Variants in EPHB1 observed in about 807,000 individuals in gnomAD.
EPHB1 encodes ephrin type-B receptor 1.
A neutral mutation model predicts 94.4 loss-of-function variants in EPHB1; 30 were observed. That is an observed-to-expected ratio of 0.32 (90% CI 0.24 to 0.43). The LOEUF (loss-of-function observed/expected upper bound fraction) is 0.43, where lower values mean the gene tolerates loss of function less well. EPHB1 is among the 20% of genes least tolerant of loss of function. EPHB1 has a pLI of 1.00. For synonymous variants in EPHB1, 522 were observed against 489.1 expected (o/e 1.07, Z -0.89); for missense variants, 1,055 against 1,308.3 (o/e 0.81, Z 2.99).
chr3:135,197,957 A>T, intron 11 of EPHB1, among the ~76,000 whole-genome samples: 1 of 152,344 alleles, frequency 6.6e-6, no homozygotes, highest in Non-Finnish European at 1.5e-5. Context: ...TTATCTTTAA[A>T]TTTCACCAAG....
chr3:134,964,823 G>GA (rs1437630788), intron 3 of EPHB1, among the ~76,000 whole-genome samples: 2 of 152,138 alleles, frequency 1.3e-5, no homozygotes, highest in Non-Finnish European at 1.5e-5. Context: ...CGAAAAGAGG[G>GA]AAAAGAAACA....
At chr3:135,250,294 T>C (rs552006868) in intron 15 of EPHB1, among the ~76,000 whole-genome samples, 16 of 152,144 alleles carry the variant, frequency 1.1e-4, no homozygotes, top group Non-Finnish European at 2.4e-4. Context: ...TATAGAACTG[T>C]AGTCTGGGAA....
chr3:134,840,854 A>G (rs564332546), intron 1 of EPHB1, among the ~76,000 whole-genome samples: 1 of 152,290 alleles, frequency 6.6e-6, no homozygotes, highest in African/African-American at 2.4e-5. Flanking sequence ...TTTCCTGGGA[A>G]GCTTCCAGCA....
chr3:135,001,039 G>A (rs1391634824), intron 3 of EPHB1, among the ~76,000 whole-genome samples: 3 of 152,148 alleles, frequency 2.0e-5, no homozygotes, highest in Non-Finnish European at 4.4e-5. Flanking sequence ...CTGGCTCGGA[G>A]CAGACACCTT....
chr3:134,875,450 C>A (rs538400510), intron 1 of EPHB1, among the ~76,000 whole-genome samples: 13 of 152,180 alleles, frequency 8.5e-5, no homozygotes, highest in African/African-American at 2.9e-4. Context: ...AAGGCAGGAG[C>A]ACTTATGGAA....
chr3:135,110,480 A>C (rs1939397492), intron 4 of EPHB1, among the ~76,000 whole-genome samples: 1 of 151,986 alleles, frequency 6.6e-6, no homozygotes, highest in South Asian at 2.1e-4. Context: ...AGGGGTTTTG[A>C]GTTTGGCTCC....
intron 1 of EPHB1, among the ~76,000 whole-genome samples, chr3:134,888,908 GGGGA>G (rs1488994035): frequency 1.3e-5 from 2 of 149,436 alleles, no homozygotes; most frequent in Admixed American, 6.6e-5. Context: ...TGCTCTGGAA[GGGGA>G]GGGGGGCCCT....
intron 1 of EPHB1, among the ~76,000 whole-genome samples, chr3:134,891,032 A>G (rs933643103): frequency 1.3e-5 from 2 of 152,196 alleles, no homozygotes; most frequent in Non-Finnish European, 2.9e-5. Context: ...TACATCTAAT[A>G]TCCTAGGCTA....
At chr3:135,062,723 C>A (rs1937531591) in intron 3 of EPHB1, among the ~76,000 whole-genome samples, 1 of 152,138 alleles carries the variant, frequency 6.6e-6, no homozygotes, top group Non-Finnish European at 1.5e-5. Flanking sequence ...GTTTTCATTG[C>A]ATTTGCTTTT....
chr3:134,959,026 T>C (rs529371851), intron 3 of EPHB1, among the ~76,000 whole-genome samples: 1 of 152,182 alleles, frequency 6.6e-6, no homozygotes, highest in Non-Finnish European at 1.5e-5. Context: ...TTTGGCAGCG[T>C]CCCATGCATG....
At chr3:135,185,460 C>T (rs1171996074) in intron 10 of EPHB1, among the ~76,000 whole-genome samples, 2 of 152,242 alleles carry the variant, frequency 1.3e-5, no homozygotes, top group African/African-American at 4.8e-5. Context: ...CTTGAACACT[C>T]ACCGTGTGTC....
intron 3 of EPHB1, among the ~76,000 whole-genome samples, chr3:135,105,801 C>T (rs1228684410): frequency 6.6e-6 from 1 of 152,174 alleles, no homozygotes; most frequent in Non-Finnish European, 1.5e-5. Context: ...TTGCCCCACC[C>T]CCGGAAGCAT....
chr3:135,088,040 AT>A (rs200288695), intron 3 of EPHB1, among the ~76,000 whole-genome samples: 14 of 151,580 alleles, frequency 9.2e-5, no homozygotes, highest in African/African-American at 2.2e-4. Flanking sequence ...GACCATACTT[AT>A]TTTTTTTTCT....
Position 135,259,160 on chromosome 3 carries a change from C to G in EPHB1, c.*40C>G, listed in dbSNP as rs1559896573. On this transcript the variant is annotated 3_prime_UTR_variant, in exon 16 of 16. Transcript: ENST00000398015. The stretch of plus-strand genomic sequence containing the variant: ...TGGGGAAGGAGAGGAGGGAAAAGGA[C>G]CAGGGTCAAGGGGGACCAGAGGTTG... The G allele has an allele frequency of 3.3e-6, 5 of 1,520,612 alleles. No homozygotes were observed. The South Asian group carries it at 4.7e-5, about 14-fold the overall frequency. 94.2% of individuals were successfully genotyped at this position (1,520,612 alleles called of 1,614,324 possible).
intron 3 of EPHB1, among the ~76,000 whole-genome samples, chr3:134,969,850 T>C (rs1034734961): frequency 6.6e-6 from 1 of 152,172 alleles, no homozygotes; most frequent in African/African-American, 2.4e-5. Context: ...CCACACTCAG[T>C]GGACCTGTCT....
chr3:135,207,740 G>A (rs563134861), intron 12 of EPHB1, among the ~76,000 whole-genome samples: 2 of 152,266 alleles, frequency 1.3e-5, no homozygotes, highest in South Asian at 2.1e-4. Context: ...CTTAAACAGC[G>A]GTCATTTATT....
At position 135,132,807 on chromosome 3, in the gene EPHB1, A is replaced by G. The variant is rs2107687260; in HGVS notation, c.1055A>G (p.Asp352Gly). 1 of 1,613,964 alleles carries G rather than the reference A, an allele frequency of 6.2e-7. No individual in the cohort carries two copies. Among genetic ancestry groups the G allele is most frequent in the East Asian group, 2.2e-5 (1 of 44,876 alleles). ...CCTCCAAGGGAGACAGGTGGGCGGG[A>G]TGATGTGACCTACAACATCATCTGC... ...WHPPRETGGR[D>G]DVTYNIICKK... The change falls in exon 5 of 16, where the codon GAT (aspartate) becomes GGT (glycine). Residue 352 changes from aspartate to glycine, a missense_variant. Coordinates refer to ENST00000398015, the MANE Select transcript of EPHB1 (RefSeq NM_004441.5).
intron 5 of EPHB1, among the ~76,000 whole-genome samples, chr3:135,149,699 A>G (rs1941131794): frequency 6.6e-6 from 1 of 152,230 alleles, no homozygotes; most frequent in African/African-American, 2.4e-5. Context: ...GCTTTCTCCC[A>G]TGTGCTAAAT....
At chr3:135,063,115 C>T (rs190710843) in intron 3 of EPHB1, among the ~76,000 whole-genome samples, 14 of 152,044 alleles carry the variant, frequency 9.2e-5, no homozygotes, top group Admixed American at 5.9e-4. Flanking sequence ...GAAATCAGGT[C>T]GTATGATGCC....
Sources: gnomAD v4.1 joint callset for allele counts (sites outside exome capture counted in the v4.1 genomes callset) on GRCh38, gnomAD v4.1.1 for gene constraint, MANE v1.5 for transcripts, NCBI Gene and HGNC (gene_info 2026-07-23, HGNC 2026-07-21) for gene names.